Variants in SPAG11B observed in about 807,000 individuals in gnomAD.
SPAG11B encodes sperm associated antigen 11B.
Under a neutral mutation model 8.9 loss-of-function variants are expected in SPAG11B, and 5 were observed. That is an observed-to-expected ratio of 0.56 (90% CI 0.29 to 1.19). The LOEUF (loss-of-function observed/expected upper bound fraction) is 1.19. Among genes scored for constraint, SPAG11B ranks in the 50% most tolerant of loss-of-function variants. The pLI is 0.08. For synonymous variants in SPAG11B, 12 were observed against 53.0 expected (o/e 0.23, Z 3.36); for missense variants, 38 against 146.4 (o/e 0.26, Z 3.82).
chr8:7,451,821 A>C (rs1394805796), intron 2 of SPAG11B, among the ~76,000 whole-genome samples: 1 of 151,758 alleles, frequency 6.6e-6, no homozygotes, highest in Non-Finnish European at 1.5e-5. Context: ...ATGTGCAAGC[A>C]GGGGGAATAT....
At chr8:7,453,960 A>G (rs1215679278) in intron 2 of SPAG11B, among the ~76,000 whole-genome samples, 1 of 147,722 alleles carries the variant, frequency 6.8e-6, no homozygotes, top group Non-Finnish European at 1.5e-5. Context: ...GCTATGTACT[A>G]AGTAATTGTA....
At chr8:7,449,671 CAA>C (rs1235710541), downstream of SPAG11B, among the ~76,000 whole-genome samples, 2 of 146,970 alleles carry the variant, frequency 1.4e-5, 1 homozygote, top group African/African-American at 5.2e-5. Context: ...GGCAAGATGA[CAA>C]ATATTCATTG....
At chr8:7,462,431 G>A (rs55834231) in intron 2 of SPAG11B, among the ~76,000 whole-genome samples, 1 of 152,122 alleles carries the variant, frequency 6.6e-6, no homozygotes, top group Non-Finnish European at 1.5e-5. Context: ...GTTCTTGGAG[G>A]AAGCCAGCAA....
At chr8:7,448,921 T>C (rs1202712056), downstream of SPAG11B, among the ~76,000 whole-genome samples, 1 of 143,972 alleles carries the variant, frequency 6.9e-6, no homozygotes, top group Admixed American at 7.1e-5. Flanking sequence ...AACACTTCCT[T>C]TGGAGAAATT....
intron 2 of SPAG11B, among the ~76,000 whole-genome samples, chr8:7,453,276 T>C (rs1810293770): frequency 7.0e-6 from 1 of 143,682 alleles, no homozygotes; most frequent in African/African-American, 2.8e-5. Flanking sequence ...ACACAGTGGA[T>C]AAATCTGCAC....
chr8:7,447,944 G>A, downstream of SPAG11B: 4 of 1,073,316 alleles, frequency 3.7e-6, 1 homozygote, highest in Middle Eastern at 2.4e-4. Context: ...CTCTGAAGCC[G>A]ATCCACCTGG....
At chr8:7,452,945 C>G (rs1231829709) in intron 2 of SPAG11B, among the ~76,000 whole-genome samples, 1 of 146,058 alleles carries the variant, frequency 6.8e-6, no homozygotes, top group South Asian at 2.2e-4. Context: ...CTCACAAACG[C>G]TATGCTGAAA....
rs199647492 is a variant in SPAG11B, at chr8:7,454,100, G to A, written c.215-3200C>T. ...AATCTCTCAAAAAAAAAAAAAAAAA[G>A]AAAGAAAGAAAGAAAAGCAATTTCA... On this transcript the variant is annotated intron_variant, in intron 2 of 2. Transcript: ENST00000398462. 2.4e-3 allele frequency among the ~76,000 whole-genome samples: 247 copies of A among 102,466 alleles called. 2 individuals carry two copies. The highest frequency in any genetic ancestry group is 1.0e-2 in the African/African-American group (220 of 22,008). 67.2% of individuals were successfully genotyped at this position (102,466 alleles called of 152,430 possible).
At position 7,450,899 on chromosome 8, in the gene SPAG11B, C is replaced by T. The variant is rs746396601; in HGVS notation, c.216G>A (p.Gly72=). 1 of 1,554,226 alleles carries T rather than the reference C, an allele frequency of 6.4e-7. No homozygotes were observed. The highest frequency in any genetic ancestry group is 8.8e-7 in the Non-Finnish European group (1 of 1,140,832). ...TATTTCTAATTCCCGGTGGAACATC[C>T]CCTATGGATACAACAGAAGAGAGTT... is the stretch of plus-strand genomic sequence containing the variant. ...LLPPRTPPYQ[G]DVPPGIRNTI... The change falls in exon 3 of 3, where the codon GGG becomes GGA. Residue 72 remains glycine (G), a splice_region_variant and synonymous_variant. Coordinates refer to ENST00000398462, the MANE Select transcript of SPAG11B (RefSeq NM_058201.4).
chr8:7,450,416 A>G, downstream of SPAG11B: 1 of 954,684 alleles, frequency 1.0e-6, no homozygotes, highest in Non-Finnish European at 1.4e-6. Flanking sequence ...GATTGGTTGC[A>G]TTTATGTCTC....
chr8:7,450,440 T>C, downstream of SPAG11B: 1 of 893,480 alleles, frequency 1.1e-6, no homozygotes, highest in Non-Finnish European at 1.6e-6. Context: ...GAAAATCAGT[T>C]TGGAGCTCGG....
At chr8:7,451,336 A>C in intron 2 of SPAG11B, 1 of 676,756 alleles carries the variant, frequency 1.5e-6, no homozygotes, top group Non-Finnish European at 2.3e-6. Flanking sequence ...TACAACGAAA[A>C]GGAGAAAATA....
chr8:7,449,873 G>A (rs1810016468), downstream of SPAG11B, among the ~76,000 whole-genome samples: 1 of 137,768 alleles, frequency 7.3e-6, no homozygotes, highest in Non-Finnish European at 1.6e-5. Flanking sequence ...CAGCACGTTT[G>A]TTTTTATTAT....
At chr8:7,453,972 A>G (rs1231427036) in intron 2 of SPAG11B, among the ~76,000 whole-genome samples, 2,768 of 144,872 alleles carry the variant, frequency 0.019, 51 homozygotes, top group African/African-American at 0.071. Flanking sequence ...GTAATTGTAA[A>G]ATAGTTATGA....
downstream of SPAG11B, among the ~76,000 whole-genome samples, chr8:7,449,443 A>C (rs1384826882): frequency 6.9e-6 from 1 of 145,982 alleles, no homozygotes; most frequent in Admixed American, 6.7e-5. Flanking sequence ...GCTGCGTTTC[A>C]CTCTGAGCCA....
At chr8:7,453,955 G>T (rs1445601147) in intron 2 of SPAG11B, among the ~76,000 whole-genome samples, 1 of 147,672 alleles carries the variant, frequency 6.8e-6, no homozygotes, top group Non-Finnish European at 1.5e-5. Flanking sequence ...TGTTAGCTAT[G>T]TACTAAGTAA....
chr8:7,453,624 TACA>T (rs1810322875), intron 2 of SPAG11B, among the ~76,000 whole-genome samples: 1 of 150,380 alleles, frequency 6.6e-6, no homozygotes, highest in Non-Finnish European at 1.5e-5. Context: ...TTAACCAGTC[TACA>T]ACAACCATAT....
downstream of SPAG11B, chr8:7,447,835 A>AT: frequency 2.2e-6 from 1 of 450,464 alleles, no homozygotes; most frequent in Non-Finnish European, 3.8e-6. Flanking sequence ...CTGGGGAGCC[A>AT]GTCCATGGAG....
rs553272527 is a variant in SPAG11B, at chr8:7,453,132, G to A, written c.215-2232C>T. On this transcript the variant is annotated intron_variant, in intron 2 of 2. Coordinates refer to ENST00000398462, the MANE Select transcript of SPAG11B (RefSeq NM_058201.4). Reference sequence around the variant, plus strand: ...CTAGTGAGGGATGCAGAGAGCCCCCGGCAACCACAGGGCTGTGTCATCCTG... The same window carrying A: ...CTAGTGAGGGATGCAGAGAGCCCCCAGCAACCACAGGGCTGTGTCATCCTG... Among the ~76,000 whole-genome samples, 188 of 142,894 alleles carry A rather than the reference G, an allele frequency of 1.3e-3. 1 individual carries two copies. Among genetic ancestry groups the A allele is most frequent in the African/African-American group, 4.9e-3 (176 of 35,964 alleles). 93.7% of individuals were successfully genotyped at this position (142,894 alleles called of 152,430 possible).
Sources: allele counts gnomAD v4.1 joint callset (sites outside exome capture counted in the v4.1 genomes callset), GRCh38; gene constraint gnomAD v4.1.1; transcripts MANE v1.5; gene names NCBI Gene and HGNC (gene_info 2026-07-23, HGNC 2026-07-21).